Variants in FRMD3 observed in about 807,000 individuals in gnomAD.
The protein encoded by FRMD3 is FERM domain-containing protein 3.
In FRMD3, 33 loss-of-function variants were observed where a neutral mutation model predicts 70.2. The ratio of observed to expected loss-of-function variants is 0.47; its 90% confidence interval spans 0.36 to 0.63. The LOEUF (loss-of-function observed/expected upper bound fraction) is 0.63. FRMD3 is among the 20% of genes least tolerant of loss of function. FRMD3 has a pLI of 0.00. For synonymous variants in FRMD3, 279 were observed against 255.9 expected (o/e 1.09, Z -0.86); for missense variants, 632 against 711.4 (o/e 0.89, Z 1.27).
At chr9:83,310,607 G>C in intron 8 of FRMD3, 59 bp from the exon 9 acceptor site, 1 of 1,350,722 alleles carries the variant, frequency 7.4e-7, no homozygotes, top group Non-Finnish European at 1.0e-6. Flanking sequence ...CAAGGTACCT[G>C]GGTTTCCCAT....
At chr9:83,266,384 A>G (rs1489797002) in intron 13 of FRMD3, among the ~76,000 whole-genome samples, 1 of 152,238 alleles carries the variant, frequency 6.6e-6, no homozygotes. Flanking sequence ...ATCAATTGGT[A>G]AAAACCACAT....
At chr9:83,454,933 C>T (rs1827775897) in intron 1 of FRMD3, among the ~76,000 whole-genome samples, 1 of 151,236 alleles carries the variant, frequency 6.6e-6, no homozygotes, top group Non-Finnish European at 1.5e-5. Flanking sequence ...CATACTCAGG[C>T]TTAGGCATCA....
At chr9:83,428,420 A>C (rs570806192) in intron 1 of FRMD3, among the ~76,000 whole-genome samples, 1 of 152,230 alleles carries the variant, frequency 6.6e-6, no homozygotes, top group African/African-American at 2.4e-5. Context: ...TTTGTAATTG[A>C]ATAAAACTGG....
At chr9:83,494,933 T>C (rs1828910797) in intron 1 of FRMD3, among the ~76,000 whole-genome samples, 1 of 152,150 alleles carries the variant, frequency 6.6e-6, no homozygotes, top group African/African-American at 2.4e-5. Context: ...TTGTATACCC[T>C]ACTTTAATAA....
intron 1 of FRMD3, among the ~76,000 whole-genome samples, chr9:83,472,675 T>C (rs1828297021): frequency 6.6e-6 from 1 of 152,198 alleles, no homozygotes; most frequent in South Asian, 2.1e-4. Flanking sequence ...AACAGAAAAG[T>C]CAGATTTTCT....
chr9:83,556,487 T>G, the FRMD3 span, among the ~76,000 whole-genome samples: 2 of 152,250 alleles, frequency 1.3e-5, no homozygotes, highest in Non-Finnish European at 2.9e-5. Flanking sequence ...CAGATGAATA[T>G]AAAATATTTC....
At chr9:83,282,838 T>C (rs1834022601) in intron 13 of FRMD3, among the ~76,000 whole-genome samples, 1 of 152,166 alleles carries the variant, frequency 6.6e-6, no homozygotes, top group African/African-American at 2.4e-5. Flanking sequence ...AACTACAAAA[T>C]TGAAATGATG....
chr9:83,467,294 G>A lies in FRMD3; in HGVS notation c.147+70791C>T, dbSNP rs753126022. ...TCAGCAGGAAGCCCAGGAGTTGAGG[G>A]CTGTTGTCTGTGCTTTGGTCAGGAA... is the stretch of plus-strand genomic sequence containing the variant. On this transcript the variant is annotated intron_variant, in intron 1 of 13. Coordinates refer to ENST00000304195, the MANE Select transcript of FRMD3 (RefSeq NM_174938.6). Among the ~76,000 whole-genome samples, 13 of 152,260 alleles carry A rather than the reference G, an allele frequency of 8.5e-5. No homozygotes were observed. The East Asian group carries it at 9.6e-4, about 11-fold the overall frequency.
chr9:83,386,974 C>T (rs1345665402), intron 2 of FRMD3, among the ~76,000 whole-genome samples: 1 of 152,068 alleles, frequency 6.6e-6, no homozygotes, highest in East Asian at 1.9e-4. Flanking sequence ...CAGGAGGTAC[C>T]TGATGTTAAC....
At chr9:83,265,567 A>T (rs1010908319) in intron 13 of FRMD3, among the ~76,000 whole-genome samples, 3 of 152,218 alleles carry the variant, frequency 2.0e-5, no homozygotes, top group African/African-American at 7.2e-5. Flanking sequence ...ACAAAAACAC[A>T]ATAGAAATGT....
the FRMD3 span, among the ~76,000 whole-genome samples, chr9:83,545,510 AC>A: frequency 0.022 from 3,404 of 151,566 alleles, 57 homozygotes; most frequent in Middle Eastern, 0.045. Flanking sequence ...AGCGCCCACC[AC>A]CACACCCAGC....
intron 1 of FRMD3, among the ~76,000 whole-genome samples, chr9:83,467,253 C>T (rs765525610): frequency 1.3e-5 from 2 of 152,182 alleles, no homozygotes; most frequent in African/African-American, 2.4e-5. Flanking sequence ...TAAATAATTA[C>T]ATCTTGATCT....
intron 1 of FRMD3, among the ~76,000 whole-genome samples, chr9:83,511,601 C>A (rs148709420): frequency 1.3e-5 from 2 of 152,184 alleles, no homozygotes; most frequent in East Asian, 3.8e-4. Context: ...TGGCTGATGG[C>A]TTCAGAGTTG....
intron 2 of FRMD3, among the ~76,000 whole-genome samples, chr9:83,382,392 C>A (rs2131281612): frequency 6.6e-6 from 1 of 152,000 alleles, no homozygotes; most frequent in Middle Eastern, 3.4e-3. Flanking sequence ...AGTAAAAAGA[C>A]CAGTTACATA....
At chr9:83,516,457 C>T (rs1829457574) in intron 1 of FRMD3, among the ~76,000 whole-genome samples, 2 of 152,130 alleles carry the variant, frequency 1.3e-5, no homozygotes, top group South Asian at 4.1e-4. Context: ...TACAGGAGCA[C>T]CCAGATTCAT....
chr9:83,356,302 G>C (rs1463618679), intron 3 of FRMD3, among the ~76,000 whole-genome samples: 1 of 110,306 alleles, frequency 9.1e-6, no homozygotes, highest in Non-Finnish European at 1.6e-5. Context: ...TTTTGACAGA[G>C]TCTTGCTCTG....
intron 6 of FRMD3, among the ~76,000 whole-genome samples, chr9:83,328,589 G>A (rs1203930381): frequency 2.6e-5 from 4 of 152,172 alleles, no homozygotes; most frequent in Non-Finnish European, 4.4e-5. Context: ...TAAAAATTAG[G>A]AGGCAAATTA....
chr9:83,516,006 T>A (rs1829447119), intron 1 of FRMD3, among the ~76,000 whole-genome samples: 1 of 152,052 alleles, frequency 6.6e-6, no homozygotes, highest in Non-Finnish European at 1.5e-5. Flanking sequence ...TACCAGCCAC[T>A]ACAAAAACAA....
At chr9:83,251,322 C>A (rs191719307) in intron 13 of FRMD3, among the ~76,000 whole-genome samples, 3 of 152,248 alleles carry the variant, frequency 2.0e-5, no homozygotes, top group East Asian at 3.9e-4. Flanking sequence ...CAGAAAACAA[C>A]AACATCAACA....
Sources: allele counts gnomAD v4.1 joint callset (sites outside exome capture counted in the v4.1 genomes callset), GRCh38; gene constraint gnomAD v4.1.1; transcripts MANE v1.5; gene names NCBI Gene and HGNC (gene_info 2026-07-23, HGNC 2026-07-21).